The following TBXAS1 variants were observed in gnomAD, a reference collection of about 807,000 sequenced individuals.
TBXAS1 encodes thromboxane A synthase 1.
A neutral mutation model predicts 60.7 loss-of-function variants in TBXAS1; 48 were observed. The ratio of observed to expected loss-of-function variants is 0.79; its 90% confidence interval spans 0.63 to 1.01. The LOEUF is 1.01. TBXAS1 is among the 50% of genes least tolerant of loss of function. The probability of loss-of-function intolerance (pLI) is 0.00; values close to 1 mark genes in which losing one functional copy is unlikely to be tolerated. For synonymous variants in TBXAS1, 287 were observed against 269.7 expected (o/e 1.06, Z -0.63); for missense variants, 685 against 686.3 (o/e 1.00, Z 0.02).
intron 9 of TBXAS1, among the ~76,000 whole-genome samples, chr7:139,991,727 C>T (rs933624421): frequency 6.6e-6 from 1 of 152,194 alleles, no homozygotes; most frequent in African/African-American, 2.4e-5. Context: ...GGGCCATAAT[C>T]ACCCTTTTGG....
intron 4 of TBXAS1, among the ~76,000 whole-genome samples, chr7:139,822,158 A>G (rs1798316763): frequency 1.3e-5 from 2 of 152,226 alleles, no homozygotes; most frequent in African/African-American, 2.4e-5. Context: ...TGGAAGGGGT[A>G]GGATTTGAAC....
intron 4 of TBXAS1, among the ~76,000 whole-genome samples, chr7:139,813,941 C>T (rs570223179): frequency 2.6e-5 from 4 of 152,248 alleles, no homozygotes; most frequent in African/African-American, 9.6e-5. Flanking sequence ...CTGTTGCTTG[C>T]ATGTTATGTG....
intron 9 of TBXAS1, among the ~76,000 whole-genome samples, chr7:139,989,016 C>T (rs952890090): frequency 3.9e-5 from 6 of 152,166 alleles, no homozygotes; most frequent in Non-Finnish European, 8.8e-5. Flanking sequence ...GAGAGCTCTC[C>T]GTGATCTCTA....
intron 1 of TBXAS1, among the ~76,000 whole-genome samples, chr7:139,867,933 A>G (rs986167350): frequency 6.6e-5 from 10 of 152,194 alleles, no homozygotes; most frequent in Non-Finnish European, 1.5e-4. Context: ...TTTGAGAATG[A>G]TCCAGTGGCC....
At chr7:140,015,591 C>G in intron 10 of TBXAS1, 132 bp from the exon 11 acceptor site, 1 of 1,090,432 alleles carries the variant, frequency 9.2e-7, no homozygotes, top group Non-Finnish European at 1.4e-6. Context: ...TCCTCTGTCC[C>G]CAGCCTCATT....
chr7:139,788,794 A>G (rs145557521), intron 4 of TBXAS1, among the ~76,000 whole-genome samples: 3 of 152,392 alleles, frequency 2.0e-5, no homozygotes, highest in Admixed American at 6.5e-5. Flanking sequence ...GACTGGGGCC[A>G]GGTGTTAGAC....
In TBXAS1 at chr7:139,953,423, A is replaced by T. The variant is rs368121899; in HGVS notation, c.506A>T (p.Tyr169Phe). Residue 169 changes from tyrosine (Y) to phenylalanine (F), a missense_variant, in exon 6 of 13, where the codon TAT becomes TTT. Tyr to Phe is a conservative substitution (Grantham distance 22). Transcript: ENST00000448866. ...CDLLLAHLKR[Y>F]AESGDAFDIQ... ...CTTCTCCTGGCTCATTTAAAACGCT[A>T]TGCGGAATCTGGGGACGCATTTGAC... 3.7e-6 allele frequency: 6 copies of T among 1,614,086 alleles called. No individual in the cohort carries two copies. Among genetic ancestry groups the T allele is most frequent in the Non-Finnish European group, 4.2e-6 (5 of 1,180,028 alleles).
chr7:139,951,956 AAG>A (rs1569518393), intron 5 of TBXAS1, among the ~76,000 whole-genome samples: 77 of 102,162 alleles, frequency 7.5e-4, no homozygotes, highest in South Asian at 1.3e-3. Context: ...AAAGAAAAGA[AAG>A]AAAGAAAGAA....
chr7:139,829,055 C>T, upstream of TBXAS1: 1 of 410,106 alleles, frequency 2.4e-6, no homozygotes, highest in Non-Finnish European at 4.7e-6. Flanking sequence ...GAGTACAAGT[C>T]CGTGGTTACA....
rs1319165883 is a variant in TBXAS1, at chr7:139,916,342, C to A, written c.333+5021C>A. 2.6e-5 allele frequency among the ~76,000 whole-genome samples: 4 copies of A among 152,130 alleles called. No individual in the cohort carries two copies. Among genetic ancestry groups the A allele is most frequent in the African/African-American group, 9.7e-5 (4 of 41,432 alleles). ...TCAGATAGGCATGTCAGGGATGTGTCAAAACACTAAGCCTAGTGCTTTGGA... is the reference window on the plus strand; with the variant it reads ...TCAGATAGGCATGTCAGGGATGTGTAAAAACACTAAGCCTAGTGCTTTGGA... On this transcript the variant is annotated intron_variant, in intron 4 of 12. Transcript: ENST00000448866. This position sits in a 1 kb window ranked among gnomAD's most constrained non-coding sequence, Gnocchi z 4.2.
intron 9 of TBXAS1, among the ~76,000 whole-genome samples, chr7:139,991,138 G>T (rs1397546700): frequency 6.6e-6 from 1 of 152,142 alleles, no homozygotes; most frequent in African/African-American, 2.4e-5. Flanking sequence ...GCACTAAATG[G>T]CACGGCTGTG....
At chr7:139,869,565 T>G (rs913976018) in intron 1 of TBXAS1, among the ~76,000 whole-genome samples, 2 of 152,110 alleles carry the variant, frequency 1.3e-5, no homozygotes, top group Non-Finnish European at 2.9e-5. Context: ...TTTTTTGCAT[T>G]TTTAGTAGAG....
At chr7:140,001,894 A>T (rs1813698672) in intron 9 of TBXAS1, among the ~76,000 whole-genome samples, 1 of 152,204 alleles carries the variant, frequency 6.6e-6, no homozygotes, top group Non-Finnish European at 1.5e-5. Flanking sequence ...TAAAAATCTC[A>T]GCCTGGACAT....
Position 140,004,765 on chromosome 7 carries a change from A to T in TBXAS1, c.1135-2326A>T, listed in dbSNP as rs905369744. 6.6e-6 allele frequency among the ~76,000 whole-genome samples: 1 copy of T among 152,128 alleles called. No homozygotes were observed. The highest frequency in any genetic ancestry group is 1.5e-5 in the Non-Finnish European group (1 of 68,010). On this transcript the variant is annotated intron_variant, in intron 9 of 12. Transcript: ENST00000448866. This position sits in a 1 kb window ranked among gnomAD's most constrained non-coding sequence, Gnocchi z 5.1. ...AGCCTTCCCCAGCCAGCCACAGCAG[A>T]CTAACCTCCAAGGATCTCTAAACCT... is the stretch of plus-strand genomic sequence containing the variant.
chr7:139,949,874 G>A (rs895009588), intron 5 of TBXAS1, among the ~76,000 whole-genome samples: 1 of 152,122 alleles, frequency 6.6e-6, no homozygotes, highest in South Asian at 2.1e-4. Context: ...CAGTGATGAT[G>A]AATGATTCTG....
Position 139,992,325 on chromosome 7 carries a change from C to T in TBXAS1, c.1135-14766C>T, listed in dbSNP as rs1011296739. Among the ~76,000 whole-genome samples, 4 of 152,236 alleles carry T rather than the reference C, an allele frequency of 2.6e-5. No homozygotes were observed. In the South Asian group the frequency reaches 6.2e-4, roughly 24 times the overall value. Reference sequence around the variant, plus strand: ...CTGCGATTTAGTAAATCTCTTCCCACCCCCAAATTTAATTTTTTAAAAAAC... The same window carrying T: ...CTGCGATTTAGTAAATCTCTTCCCATCCCCAAATTTAATTTTTTAAAAAAC... On this transcript the variant is annotated intron_variant, in intron 9 of 12. Coordinates refer to ENST00000448866, the MANE Select transcript of TBXAS1 (RefSeq NM_001061.7).
At chr7:139,858,019 C>T (rs1800703482) in intron 1 of TBXAS1, among the ~76,000 whole-genome samples, 1 of 152,150 alleles carries the variant, frequency 6.6e-6, no homozygotes. Flanking sequence ...TGGGTGTGAG[C>T]TACCACGCCT....
At position 140,017,716 on chromosome 7, in the gene TBXAS1, GCCCTT is replaced by G. The variant is rs1815193662; in HGVS notation, c.1412_1416del (p.Pro471ArgfsTer16). On this transcript the variant is annotated frameshift_variant, in exon 12 of 13. Transcript: ENST00000448866. LOFTEE classifies it high-confidence loss of function. ...AGCAGCACCGGCCCTTCACGTACCT[GCCCTT>G]CGGGGCCGGCCCACGGAGCTGCCTC... 1.9e-6 allele frequency: 3 copies of G among 1,613,972 alleles called. No individual in the cohort carries two copies. The East Asian group carries it at 6.7e-5, about 36-fold the overall frequency.
At chr7:139,923,772 T>C (rs969340932) in intron 4 of TBXAS1, among the ~76,000 whole-genome samples, 6 of 151,862 alleles carry the variant, frequency 4.0e-5, no homozygotes, top group Admixed American at 2.6e-4. Flanking sequence ...CCATTAACCA[T>C]CCCCACCTCC....
Sources: allele counts gnomAD v4.1 joint callset (sites outside exome capture counted in the v4.1 genomes callset), GRCh38; gene constraint gnomAD v4.1.1; non-coding constraint Gnocchi (gnomAD v3.1); transcripts MANE v1.5; gene names NCBI Gene and HGNC (gene_info 2026-07-23, HGNC 2026-07-21).